Variants in TRDN observed in about 807,000 individuals in gnomAD.
The protein encoded by TRDN is triadin.
In TRDN, 161 loss-of-function variants were observed where a neutral mutation model predicts 149.7. That is an observed-to-expected ratio of 1.08 (90% CI 0.95 to 1.23). TRDN has a LOEUF of 1.23. Ranked by LOEUF, TRDN falls within the 50% of genes most tolerant of loss-of-function variation. The pLI, the probability that TRDN is intolerant of heterozygous loss-of-function variation, is 0.00. For missense variants in TRDN, 896 were observed against 823.5 expected, an observed-to-expected ratio of 1.09 and a Z score of -1.08; for synonymous variants, 294 against 250.5, an observed-to-expected ratio of 1.17 and a Z score of -1.64.
chr6:123,402,752 C>G (rs996749953), intron 12 of TRDN, among the ~76,000 whole-genome samples: 1 of 151,920 alleles, frequency 6.6e-6, no homozygotes. Flanking sequence ...GTGATAATAC[C>G]TTAGACTAAG....
chr6:123,562,047 T>C (rs1266347020), intron 2 of TRDN, among the ~76,000 whole-genome samples: 1 of 152,068 alleles, frequency 6.6e-6, no homozygotes, highest in Non-Finnish European at 1.5e-5. Flanking sequence ...ACAAAAGAAG[T>C]GAAAATGTCC....
chr6:123,496,057 C>CATTAATATT (rs1161937549), intron 9 of TRDN, among the ~76,000 whole-genome samples: 3 of 145,936 alleles, frequency 2.1e-5, no homozygotes, highest in Non-Finnish European at 4.5e-5. Flanking sequence ...TAATATATAT[C>CATTAATATT]ATTAATATTA....
intron 23 of TRDN, among the ~76,000 whole-genome samples, chr6:123,329,791 G>A (rs1779593836): frequency 6.6e-6 from 1 of 151,890 alleles, no homozygotes; most frequent in African/African-American, 2.4e-5. Flanking sequence ...GTAATTTAAG[G>A]GCTGAATTTC....
At chr6:123,403,267 T>A (rs902240307) in intron 12 of TRDN, among the ~76,000 whole-genome samples, 1 of 151,946 alleles carries the variant, frequency 6.6e-6, no homozygotes, top group African/African-American at 2.4e-5. Context: ...ATCTAAGAGA[T>A]CCCTGGAAAC....
intron 26 of TRDN, among the ~76,000 whole-genome samples, chr6:123,276,861 G>C (rs1777385331): frequency 6.6e-6 from 1 of 152,136 alleles, no homozygotes; most frequent in South Asian, 2.1e-4. Context: ...GAAAAGCCAT[G>C]AATTCAAACG....
At chr6:123,383,085 G>T (rs190373452) in intron 14 of TRDN, among the ~76,000 whole-genome samples, 15 of 152,000 alleles carry the variant, frequency 9.9e-5, no homozygotes, top group Non-Finnish European at 2.1e-4. Context: ...TTGGAACCTA[G>T]AACAGTAGAC....
At chr6:123,223,945 T>A (rs1449765093) in intron 39 of TRDN, 148 bp downstream of exon 39, 1 of 596,902 alleles carries the variant, frequency 1.7e-6, no homozygotes, top group East Asian at 2.8e-5. Flanking sequence ...AAAAGCTGTT[T>A]GCTTTAAAAA....
chr6:123,416,867 A>T (rs1773674294), intron 12 of TRDN, among the ~76,000 whole-genome samples: 1 of 151,948 alleles, frequency 6.6e-6, no homozygotes, highest in African/African-American at 2.4e-5. Context: ...AAGCCTAGCT[A>T]ATTTTTTGTA....
intron 26 of TRDN, among the ~76,000 whole-genome samples, chr6:123,275,483 A>G (rs1414543316): frequency 1.3e-5 from 2 of 152,130 alleles, no homozygotes; most frequent in Non-Finnish European, 2.9e-5. Context: ...CTTTGTCAAC[A>G]CCTTGATTTT....
intron 21 of TRDN, among the ~76,000 whole-genome samples, chr6:123,345,736 C>T (rs890631076): frequency 8.6e-5 from 13 of 151,940 alleles, no homozygotes; most frequent in Admixed American, 1.3e-4. Context: ...ATTTCTTTTA[C>T]GTGGTTTCCC....
At chr6:123,397,340 C>T (rs992597518) in intron 12 of TRDN, among the ~76,000 whole-genome samples, 3 of 152,056 alleles carry the variant, frequency 2.0e-5, no homozygotes, top group African/African-American at 7.2e-5. Flanking sequence ...CAATACCCAG[C>T]CCACTGACCT....
intron 31 of TRDN, 71 bp from the exon 32 acceptor site, chr6:123,267,822 G>T: frequency 1.6e-6 from 2 of 1,247,192 alleles, no homozygotes; most frequent in East Asian, 2.7e-5. Flanking sequence ...TTATATATTT[G>T]CAAGTGATCC....
At chr6:123,266,333 G>A (rs1475520515) in intron 32 of TRDN, among the ~76,000 whole-genome samples, 2 of 102,142 alleles carry the variant, frequency 2.0e-5, no homozygotes, top group Non-Finnish European at 1.8e-5. Flanking sequence ...TATATATTAT[G>A]ATATGTATTA....
intron 10 of TRDN, among the ~76,000 whole-genome samples, chr6:123,464,021 T>C (rs755673502): frequency 1.6e-4 from 25 of 152,164 alleles, no homozygotes; most frequent in Non-Finnish European, 1.0e-4. Context: ...TTTCTACCCC[T>C]TTCTAGGGTG....
At chr6:123,451,844 C>G (rs554342640) in intron 10 of TRDN, among the ~76,000 whole-genome samples, 5 of 152,108 alleles carry the variant, frequency 3.3e-5, no homozygotes, top group African/African-American at 1.2e-4. Flanking sequence ...TGTTAAAATC[C>G]TTAACAAAAT....
chr6:123,600,521 T>TG (rs1784232290), intron 1 of TRDN, among the ~76,000 whole-genome samples: 1 of 151,784 alleles, frequency 6.6e-6, no homozygotes, highest in Admixed American at 6.6e-5. Flanking sequence ...GTCCTGGCAG[T>TG]GGGGGCCTGA....
rs948699325 is a variant in TRDN at position 123,330,066 on chromosome 6, T to C, written c.1471+1813A>G. 3.9e-5 allele frequency among the ~76,000 whole-genome samples: 6 copies of C among 152,098 alleles called. No individual in the cohort carries two copies. The East Asian group carries it at 9.6e-4, about 24-fold the overall frequency. Reference sequence around the variant, plus strand: ...CTGGTATGGGATTATGGAAAGAAGATACTTGGAAGAGTAGAAGAAGATTCT... The same window carrying C: ...CTGGTATGGGATTATGGAAAGAAGACACTTGGAAGAGTAGAAGAAGATTCT... On this transcript the variant is annotated intron_variant, in intron 23 of 40. Transcript: ENST00000334268.
At chr6:123,340,218 T>C (rs1780015649) in intron 21 of TRDN, among the ~76,000 whole-genome samples, 1 of 152,118 alleles carries the variant, frequency 6.6e-6, no homozygotes, top group Non-Finnish European at 1.5e-5. Context: ...GAAAGTCTTA[T>C]AACAGAGGAT....
rs566197154 is a variant in TRDN at position 123,575,696 on chromosome 6, C to T, written c.23-4564G>A. ...CACTTAATGGCCATGCGACTCTTTCCTATAGAGTAAAAGGAGGGATTGCTT... is the reference window on the plus strand; with the variant it reads ...CACTTAATGGCCATGCGACTCTTTCTTATAGAGTAAAAGGAGGGATTGCTT... On this transcript the variant is annotated intron_variant, in intron 1 of 40. Coordinates refer to ENST00000334268, the MANE Select transcript of TRDN (RefSeq NM_006073.4). Among the ~76,000 whole-genome samples the T allele has an allele frequency of 3.8e-4, 58 of 152,098 alleles. No homozygotes were observed. In the South Asian group the frequency reaches 0.012, roughly 31 times the overall value.
Sources: gnomAD v4.1 joint callset for allele counts (sites outside exome capture counted in the v4.1 genomes callset) on GRCh38, gnomAD v4.1.1 for gene constraint, MANE v1.5 for transcripts, NCBI Gene and HGNC (gene_info 2026-07-23, HGNC 2026-07-21) for gene names.